The following FSTL5 variants were observed in gnomAD, a reference collection of about 807,000 sequenced individuals.
FSTL5 encodes the protein follistatin-related protein 5.
Under a neutral mutation model 89.1 loss-of-function variants are expected in FSTL5, and 62 were observed. The observed-to-expected ratio is 0.70, with a 90% CI of 0.57 to 0.86. The LOEUF is 0.86. Ranked by LOEUF, FSTL5 falls within the 40% of genes least tolerant of loss-of-function variation. The pLI, the probability that FSTL5 is intolerant of heterozygous loss-of-function variation, is 0.00. For missense variants in FSTL5, 1,057 were observed against 1,001.6 expected, an observed-to-expected ratio of 1.06 and a Z score of -0.75; for synonymous variants, 383 against 346.2, an observed-to-expected ratio of 1.11 and a Z score of -1.18.
At chr4:161,545,745 T>C (rs1178319893) in intron 8 of FSTL5, among the ~76,000 whole-genome samples, 1 of 151,970 alleles carries the variant, frequency 6.6e-6, no homozygotes, top group Non-Finnish European at 1.5e-5. Context: ...TTGCAGAATC[T>C]CTGGTACCCC....
chr4:161,722,403 G>T (rs149282412), intron 6 of FSTL5, among the ~76,000 whole-genome samples: 5 of 152,162 alleles, frequency 3.3e-5, no homozygotes, highest in Admixed American at 3.3e-4. Context: ...ATTATATCCA[G>T]GTTCTCTTTG....
chr4:161,962,105 C>A (rs1452830042), intron 3 of FSTL5, among the ~76,000 whole-genome samples: 1 of 151,718 alleles, frequency 6.6e-6, no homozygotes, highest in Non-Finnish European at 1.5e-5. Context: ...CTCCCAAGCA[C>A]TTGCAGGAAT....
chr4:161,415,924 C>T (rs1183617398), intron 15 of FSTL5, among the ~76,000 whole-genome samples: 1 of 151,004 alleles, frequency 6.6e-6, no homozygotes. Context: ...GTGATGATAG[C>T]CTGCGCAGAT....
At chr4:161,815,306 G>C (rs749568431) in intron 4 of FSTL5, among the ~76,000 whole-genome samples, 7 of 151,944 alleles carry the variant, frequency 4.6e-5, no homozygotes, top group Non-Finnish European at 8.8e-5. Flanking sequence ...TGTGATAAAT[G>C]ATAATTTCAG....
chr4:161,793,117 C>T (rs867073447), intron 4 of FSTL5, among the ~76,000 whole-genome samples: 1 of 152,252 alleles, frequency 6.6e-6, no homozygotes, highest in Non-Finnish European at 1.5e-5. Context: ...CAGCTGCAGC[C>T]TTGCATGGAG....
intron 6 of FSTL5, among the ~76,000 whole-genome samples, chr4:161,723,078 G>A (rs780056039): frequency 3.7e-4 from 57 of 152,100 alleles, no homozygotes; most frequent in Admixed American, 1.6e-3. Flanking sequence ...AAATAAGAAT[G>A]CATCTTTATA....
chr4:161,583,839 T>A (rs886644880), intron 8 of FSTL5, among the ~76,000 whole-genome samples: 2 of 152,176 alleles, frequency 1.3e-5, no homozygotes, highest in African/African-American at 2.4e-5. Flanking sequence ...TAGTACCTCA[T>A]TCTAGTAATA....
intron 3 of FSTL5, among the ~76,000 whole-genome samples, chr4:162,004,135 G>A (rs976830029): frequency 6.6e-6 from 1 of 151,958 alleles, no homozygotes; most frequent in Non-Finnish European, 1.5e-5. Flanking sequence ...CTAGATCCAG[G>A]TATTAAATTT....
intron 4 of FSTL5, among the ~76,000 whole-genome samples, chr4:161,891,323 T>C (rs1177313200): frequency 1.3e-5 from 2 of 152,160 alleles, no homozygotes; most frequent in African/African-American, 2.4e-5. Context: ...ATACCCACAA[T>C]AGGATCAAAA....
chr4:161,600,158 A>AACACACACACACACAC lies in FSTL5; in HGVS notation c.895-12599_895-12584dup, dbSNP rs71598717. Among the ~76,000 whole-genome samples, 258 of 142,054 alleles carry AACACACACACACACAC rather than the reference A, an allele frequency of 1.8e-3. 2 individuals carry two copies. Among genetic ancestry groups the AACACACACACACACAC allele is most frequent in the Middle Eastern group, 3.6e-3 (1 of 276 alleles). The allele number at this position is 142,054 out of a possible 152,430, so 93.2% of individuals were successfully genotyped here. On this transcript the variant is annotated intron_variant, in intron 7 of 15. Transcript: ENST00000306100. ...TGAATCCCCAAGCACAATGTCAATA[A>AACACACACACACACAC]ACACACACACACACACACACACACA...
In FSTL5 at chr4:161,795,341, A is replaced by G. The variant is rs536502362; in HGVS notation, c.410-19267T>C. Among the ~76,000 whole-genome samples the G allele has an allele frequency of 6.6e-5, 10 of 152,208 alleles. No homozygotes were observed. In the East Asian group the frequency reaches 1.9e-3, roughly 29 times the overall value. On this transcript the variant is annotated intron_variant, in intron 4 of 15. Coordinates refer to ENST00000306100, the MANE Select transcript of FSTL5 (RefSeq NM_020116.5). Reference sequence around the variant, plus strand: ...ATGGCACTAAATTATCTGTATTCCAAAGGGGTAAGTAATTTGAAGACCAGA... The same window carrying G: ...ATGGCACTAAATTATCTGTATTCCAGAGGGGTAAGTAATTTGAAGACCAGA...
rs1476949979 is a variant in FSTL5, at chr4:161,779,809, A to ATG, written c.410-3737_410-3736dup. Among the ~76,000 whole-genome samples the ATG allele has an allele frequency of 6.6e-4, 40 of 60,538 alleles. No individual in the cohort carries two copies. In the South Asian group the frequency reaches 0.017, roughly 26 times the overall value. 39.7% of individuals were successfully genotyped at this position (60,538 alleles called of 152,430 possible). A position where few individuals can be genotyped will look rare whatever the true frequency, so the allele number is the denominator to read the frequency against. Reference sequence around the variant, plus strand: ...TATATATATATATATATATATATATATGTATATATATATATATATATATAT... The same window carrying ATG: ...TATATATATATATATATATATATATATGTGTATATATATATATATATATATAT... On this transcript the variant is annotated intron_variant, in intron 4 of 15. Coordinates refer to ENST00000306100, the MANE Select transcript of FSTL5 (RefSeq NM_020116.5).
chr4:161,722,280 C>G (rs577683405), intron 6 of FSTL5, among the ~76,000 whole-genome samples: 83 of 152,198 alleles, frequency 5.5e-4, no homozygotes, highest in African/African-American at 1.9e-3. Flanking sequence ...CCTCTTACAT[C>G]TATTTGTTTT....
intron 2 of FSTL5, among the ~76,000 whole-genome samples, chr4:162,088,141 C>T (rs1730396549): frequency 6.6e-6 from 1 of 151,700 alleles, no homozygotes; most frequent in African/African-American, 2.4e-5. Flanking sequence ...AATATGTGTG[C>T]CATTACAAGC....
chr4:162,127,522 C>T (rs189310442), intron 1 of FSTL5, among the ~76,000 whole-genome samples: 32 of 152,126 alleles, frequency 2.1e-4, no homozygotes, highest in Admixed American at 1.2e-3. Context: ...ACAGAAATAC[C>T]ATTTGTAAGG....
intron 3 of FSTL5, among the ~76,000 whole-genome samples, chr4:162,023,159 A>G (rs2111163614): frequency 6.6e-6 from 1 of 152,178 alleles, no homozygotes; most frequent in Middle Eastern, 3.4e-3. Context: ...GATTTTCGTT[A>G]CTTTCCGGAA....
At chr4:161,605,149 G>T (rs759904024) in intron 7 of FSTL5, among the ~76,000 whole-genome samples, 1 of 152,120 alleles carries the variant, frequency 6.6e-6, no homozygotes. Context: ...ACAGAAAAGG[G>T]ATTAGCATAC....
At chr4:161,458,475 G>T (rs908562587) in intron 14 of FSTL5, among the ~76,000 whole-genome samples, 6 of 152,212 alleles carry the variant, frequency 3.9e-5, no homozygotes, top group African/African-American at 1.2e-4. Context: ...AGTGACAACT[G>T]ATTAAAATAA....
intron 13 of FSTL5, among the ~76,000 whole-genome samples, chr4:161,479,090 G>C (rs1729411821): frequency 6.6e-6 from 1 of 151,972 alleles, no homozygotes; most frequent in South Asian, 2.1e-4. Flanking sequence ...GTCATAAGGA[G>C]AATGCATTTG....
Sources: allele counts gnomAD v4.1 joint callset (sites outside exome capture counted in the v4.1 genomes callset), GRCh38; gene constraint gnomAD v4.1.1; transcripts MANE v1.5; gene names NCBI Gene and HGNC (gene_info 2026-07-23, HGNC 2026-07-21).